TEX9: variants seen among roughly 807,000 people sequenced by gnomAD.
The protein encoded by TEX9 is testis-expressed protein 9.
A neutral mutation model predicts 59.6 loss-of-function variants in TEX9; 74 were observed. The observed-to-expected ratio is 1.24, with a 90% CI of 1.03 to 1.51. The LOEUF is 1.51. Among genes scored for constraint, TEX9 ranks in the 40% most tolerant of loss-of-function variants. TEX9 has a pLI of 0.00. For synonymous variants in TEX9, 186 were observed against 152.2 expected (o/e 1.22, Z -1.64); for missense variants, 522 against 447.8 (o/e 1.17, Z -1.49).
intron 2 of TEX9, among the ~76,000 whole-genome samples, chr15:56,369,719 T>C (rs2047105587): frequency 6.6e-6 from 1 of 152,230 alleles, no homozygotes; most frequent in Non-Finnish European, 1.5e-5. Context: ...GTTCACTTTT[T>C]GTAAAAGTTC....
chr15:56,459,129 C>G, the TEX9 span, among the ~76,000 whole-genome samples: 43 of 152,306 alleles, frequency 2.8e-4, no homozygotes, highest in African/African-American at 1.0e-3. Flanking sequence ...CCTTTTCCCC[C>G]AACCCCTGGC....
At position 56,302,694 on chromosome 15, in the gene TEX9, A is replaced by G. The variant is rs377543901; in HGVS notation, c.-107+58416A>G. 2.6e-5 allele frequency among the ~76,000 whole-genome samples: 4 copies of G among 152,204 alleles called. No homozygotes were observed. The East Asian group carries it at 5.8e-4, about 22-fold the overall frequency. On this transcript the variant is annotated intron_variant, in intron 1 of 5. Transcript: ENST00000560827. ...TAACAAATAACAAAATGGCAGGAGTAAGTTCTTACTTATCAATAATAACAG... is the reference window on the plus strand; with the variant it reads ...TAACAAATAACAAAATGGCAGGAGTGAGTTCTTACTTATCAATAATAACAG...
chr15:56,319,017 G>A lies in TEX9; in HGVS notation c.-106-54424G>A, dbSNP rs145030878. ...GGTCTTCAATGTCTCTGTTTGCCTA[G>A]GTTTAGAATACAAAAGAAAATTATT... On this transcript the variant is annotated intron_variant, in intron 1 of 5. Coordinates refer to the TEX9 transcript ENST00000560827. Among the ~76,000 whole-genome samples, 414 of 152,016 alleles carry A rather than the reference G, an allele frequency of 2.7e-3. 4 individuals carry two copies. The highest frequency in any genetic ancestry group is 9.5e-3 in the African/African-American group (395 of 41,458).
intron 1 of TEX9, among the ~76,000 whole-genome samples, chr15:56,257,476 A>G (rs1188041611): frequency 6.6e-6 from 1 of 152,108 alleles, no homozygotes; most frequent in Non-Finnish European, 1.5e-5. Flanking sequence ...ACATTTTAAT[A>G]ACAACTGTTC....
At chr15:56,337,186 A>G (rs1342314408) in intron 1 of TEX9, among the ~76,000 whole-genome samples, 5 of 152,194 alleles carry the variant, frequency 3.3e-5, no homozygotes, top group Non-Finnish European at 7.3e-5. Context: ...GCTGTAACTG[A>G]TAAATCATTA....
chr15:56,444,343 A>G (rs2050870652), intron 12 of TEX9: 2 of 913,884 alleles, frequency 2.2e-6, no homozygotes, highest in Non-Finnish European at 1.6e-6. Flanking sequence ...AGCACTTACT[A>G]TGTATTAGGC....
In TEX9 at chr15:56,365,564, G is replaced by A; in HGVS notation, c.28-15G>A. ...CCTTTAACTTCGGGTCTGAAAGTCT[G>A]TGGCTCTTTTACAGAGAAGCAGCGT... On this transcript the variant is annotated splice_polypyrimidine_tract_variant and intron_variant, in intron 1 of 12. Transcript: ENST00000352903. 1 of 1,614,208 alleles carries A rather than the reference G, an allele frequency of 6.2e-7. No homozygotes were observed. Among genetic ancestry groups the A allele is most frequent in the Non-Finnish European group, 8.5e-7 (1 of 1,180,036 alleles).
At chr15:56,434,857 C>T (rs2050693101) in intron 12 of TEX9, among the ~76,000 whole-genome samples, 1 of 152,072 alleles carries the variant, frequency 6.6e-6, no homozygotes, top group Non-Finnish European at 1.5e-5. Context: ...CTAATATTCC[C>T]TTCATTCTCC....
chr15:56,352,593 G>C (rs1187515821), intron 1 of TEX9, among the ~76,000 whole-genome samples: 1 of 152,018 alleles, frequency 6.6e-6, no homozygotes, highest in Admixed American at 6.6e-5. Flanking sequence ...TCTTCTATTA[G>C]TATAAACCTA....
intron 9 of TEX9, among the ~76,000 whole-genome samples, chr15:56,404,837 A>G (rs1204452883): frequency 2.0e-5 from 3 of 152,176 alleles, no homozygotes; most frequent in East Asian, 1.9e-4. Context: ...TTGCAGGGAC[A>G]TAGATGAAGC....
At chr15:56,268,009 GT>G (rs2044429968) in intron 1 of TEX9, among the ~76,000 whole-genome samples, 1 of 152,104 alleles carries the variant, frequency 6.6e-6, no homozygotes, top group Non-Finnish European at 1.5e-5. Flanking sequence ...TTGAGCAGTG[GT>G]TTGTAGTTCT....
chr15:56,442,513 A>G (rs1596260911), intron 12 of TEX9, among the ~76,000 whole-genome samples: 1 of 152,342 alleles, frequency 6.6e-6, no homozygotes, highest in East Asian at 1.9e-4. Context: ...GGTGGACTGG[A>G]TAAATAAAAT....
intron 1 of TEX9, among the ~76,000 whole-genome samples, chr15:56,254,911 C>G (rs1488574172): frequency 6.6e-6 from 1 of 151,708 alleles, no homozygotes; most frequent in Non-Finnish European, 1.5e-5. Context: ...AAACTCAGGA[C>G]ATATGTATCA....
At chr15:56,386,556 A>AT (rs2047970370) in intron 4 of TEX9, among the ~76,000 whole-genome samples, 1 of 151,918 alleles carries the variant, frequency 6.6e-6, no homozygotes, top group Non-Finnish European at 1.5e-5. Context: ...GCTTTTGAGT[A>AT]TTTTTTAAGT....
At chr15:56,372,256 C>T (rs925675381) in intron 2 of TEX9, among the ~76,000 whole-genome samples, 9 of 152,006 alleles carry the variant, frequency 5.9e-5, no homozygotes, top group Non-Finnish European at 1.3e-4. Flanking sequence ...CCAGGTAATC[C>T]TAAGATATAA....
chr15:56,250,093 A>C (rs1482437746), intron 1 of TEX9, among the ~76,000 whole-genome samples: 1 of 152,234 alleles, frequency 6.6e-6, no homozygotes, highest in Non-Finnish European at 1.5e-5. Flanking sequence ...CTACTCCAGC[A>C]GAATTAAGGC....
intron 1 of TEX9, among the ~76,000 whole-genome samples, chr15:56,334,208 C>T (rs1316220238): frequency 6.6e-6 from 1 of 152,042 alleles, no homozygotes; most frequent in Non-Finnish European, 1.5e-5. Flanking sequence ...CCAAAGCTAT[C>T]CCAAGCAAAT....
chr15:56,312,524 A>G (rs1225182260), intron 1 of TEX9, among the ~76,000 whole-genome samples: 4 of 149,718 alleles, frequency 2.7e-5, no homozygotes, highest in African/African-American at 5.0e-5. Context: ...TGGTACCAGT[A>G]CCATGCTCTT....
At chr15:56,268,214 G>A (rs2044436115) in intron 1 of TEX9, among the ~76,000 whole-genome samples, 1 of 152,186 alleles carries the variant, frequency 6.6e-6, no homozygotes, top group Admixed American at 6.5e-5. Context: ...TCAGCTTAAG[G>A]AGATTTTGGG....
Sources: allele counts gnomAD v4.1 joint callset (sites outside exome capture counted in the v4.1 genomes callset), GRCh38; gene constraint gnomAD v4.1.1; transcripts MANE v1.5; gene names NCBI Gene and HGNC (gene_info 2026-07-23, HGNC 2026-07-21).